PAK3: variants seen among roughly 807,000 people sequenced by gnomAD.
The protein encoded by PAK3 is p21 (RAC1) activated kinase 3, also known as serine/threonine-protein kinase PAK 3.
In PAK3, 4 loss-of-function variants were observed where a neutral mutation model predicts 41.0. The observed-to-expected ratio is 0.10, with a 90% CI of 0.05 to 0.22. The LOEUF (loss-of-function observed/expected upper bound fraction) is 0.22. Ranked by LOEUF, PAK3 falls within the 10% of genes least tolerant of loss-of-function variation. PAK3 has a pLI of 1.00. For missense variants in PAK3, 205 were observed against 409.9 expected (o/e 0.50, Z 4.32); for synonymous variants, 146 against 139.6 (o/e 1.05, Z -0.32).
intron 1 of PAK3, among the ~76,000 whole-genome samples, chrX:111,062,041 C>A (rs2092661066): frequency 9.0e-6 from 1 of 111,305 alleles, no homozygotes; most frequent in Non-Finnish European, 1.9e-5. Flanking sequence ...TGAACTTGAA[C>A]TTCTGGGCTC....
At position 111,184,263 on chromosome X, in the gene PAK3, G is replaced by A. The variant is rs1185463954; in HGVS notation, c.831-7864G>A. 2.7e-5 allele frequency among the ~76,000 whole-genome samples: 3 copies of A among 111,344 alleles called. No homozygotes were observed. The East Asian group carries it at 8.5e-4, about 32-fold the overall frequency. On this transcript the variant is annotated intron_variant, in intron 11 of 17. Coordinates refer to ENST00000372007, the MANE Select transcript of PAK3 (RefSeq NM_002578.5). The stretch of plus-strand genomic sequence containing the variant: ...AGGGATCAATGTAATTAAATGTTTA[G>A]CATAAAAATCAAATTGACAGTGTTG...
intron 1 of PAK3, among the ~76,000 whole-genome samples, chrX:111,070,094 T>C (rs2092730534): frequency 9.0e-6 from 1 of 111,301 alleles, no homozygotes; most frequent in Non-Finnish European, 1.9e-5. Flanking sequence ...ATTATATGGG[T>C]ACAAGGTAAT....
At chrX:111,182,325 C>A (rs1400911607) in intron 11 of PAK3, among the ~76,000 whole-genome samples, 1 of 109,317 alleles carries the variant, frequency 9.1e-6, no homozygotes, top group Non-Finnish European at 1.9e-5. Context: ...GGCCCCACAC[C>A]CATAATGTGT....
chrX:111,019,703 AG>A (rs1184588518), intron 1 of PAK3, among the ~76,000 whole-genome samples: 420 of 40,640 alleles, frequency 0.01, 15 homozygotes, highest in African/African-American at 0.026. Flanking sequence ...AAAAAAAAAA[AG>A]AAAGAAAGAA....
chrX:110,981,948 G>T (rs1286307532), intron 1 of PAK3, among the ~76,000 whole-genome samples: 1 of 111,673 alleles, frequency 9.0e-6, no homozygotes, highest in Non-Finnish European at 1.9e-5. Flanking sequence ...AGAGAGAAGA[G>T]TTGGGGATGA....
Position 111,063,038 on chromosome X carries a change from G to T in PAK3, c.-27-60039G>T, listed in dbSNP as rs1248843873. Among the ~76,000 whole-genome samples, 12 of 111,871 alleles carry T rather than the reference G, an allele frequency of 1.1e-4. No homozygotes were observed. The Admixed American group carries it at 1.1e-3, about 11-fold the overall frequency. Reference sequence around the variant, plus strand: ...TTCCTACCCTAGCCTGGAATAACCAGTGGCTGAAGCCAAATGCCTAAGAGG... The same window carrying T: ...TTCCTACCCTAGCCTGGAATAACCATTGGCTGAAGCCAAATGCCTAAGAGG... On this transcript the variant is annotated intron_variant, in intron 1 of 14. Coordinates refer to the PAK3 transcript ENST00000425146.
intron 16 of PAK3, among the ~76,000 whole-genome samples, chrX:111,202,949 T>C (rs950787014): frequency 1.7e-4 from 19 of 112,029 alleles, no homozygotes; most frequent in African/African-American, 5.8e-4. Flanking sequence ...AAGACAGTTA[T>C]TGGTATCACT....
At chrX:110,951,143 T>C (rs2090736909) in intron 1 of PAK3, among the ~76,000 whole-genome samples, 1 of 112,249 alleles carries the variant, frequency 8.9e-6, no homozygotes, top group South Asian at 3.7e-4. Flanking sequence ...TTGTTCTTTC[T>C]GCTTCTGATA....
intron 1 of PAK3, among the ~76,000 whole-genome samples, chrX:111,042,647 C>A (rs1012402002): frequency 9.0e-6 from 1 of 111,701 alleles, no homozygotes; most frequent in African/African-American, 3.3e-5. Context: ...TCTAGACTAA[C>A]TGACCAAAAT....
intron 1 of PAK3, among the ~76,000 whole-genome samples, chrX:111,007,848 T>C (rs1199750952): frequency 8.9e-6 from 1 of 112,013 alleles, no homozygotes; most frequent in East Asian, 2.8e-4. Flanking sequence ...TGAGCTTTAC[T>C]GAGCATGCAA....
chrX:111,140,242 T>C (rs2093852481), intron 5 of PAK3, among the ~76,000 whole-genome samples: 1 of 111,210 alleles, frequency 9.0e-6, no homozygotes, highest in Non-Finnish European at 1.9e-5. Flanking sequence ...GAGAAAGAAA[T>C]GTAGAAGGCC....
chrX:110,996,780 A>G (rs972469194), intron 1 of PAK3, among the ~76,000 whole-genome samples: 1 of 111,991 alleles, frequency 8.9e-6, no homozygotes, highest in South Asian at 3.7e-4. Context: ...TGGCACCTTG[A>G]TCTTGGACTT....
At chrX:110,945,242 C>CGT (rs937327188) in intron 1 of PAK3, among the ~76,000 whole-genome samples, 1 of 107,003 alleles carries the variant, frequency 9.3e-6, no homozygotes, top group Non-Finnish European at 1.9e-5. Flanking sequence ...TGTGTGTGTG[C>CGT]GTGTGTGTGT....
intron 1 of PAK3, among the ~76,000 whole-genome samples, chrX:110,957,001 T>G (rs2148604402): frequency 9.0e-6 from 1 of 111,710 alleles, no homozygotes; most frequent in South Asian, 3.8e-4. Context: ...TGGGCCTTTC[T>G]CTATACATTA....
At chrX:110,990,822 A>G (rs1009693388) in intron 1 of PAK3, among the ~76,000 whole-genome samples, 14 of 110,291 alleles carry the variant, frequency 1.3e-4, no homozygotes, top group Non-Finnish European at 1.9e-4. Flanking sequence ...AAGTCAAGGG[A>G]TGCTTGCTAT....
At chrX:111,184,131 T>C (rs866501793) in intron 11 of PAK3, among the ~76,000 whole-genome samples, 1 of 111,422 alleles carries the variant, frequency 9.0e-6, no homozygotes, top group Non-Finnish European at 1.9e-5. Flanking sequence ...CATGATTACT[T>C]TGTACTATCT....
At chrX:111,144,788 G>T (rs1254219792) in intron 6 of PAK3, 2 of 577,401 alleles carry the variant, frequency 3.5e-6, no homozygotes, top group Non-Finnish European at 5.5e-6. Flanking sequence ...AGGTTGGGAG[G>T]TGAGATTTTT....
intron 1 of PAK3, among the ~76,000 whole-genome samples, chrX:110,954,377 G>T (rs193271781): frequency 8.9e-6 from 1 of 112,324 alleles, no homozygotes; most frequent in Admixed American, 9.4e-5. Context: ...ACTCTGTTAG[G>T]TTAATACTGT....
chrX:111,050,794 G>A (rs184425020), intron 1 of PAK3, among the ~76,000 whole-genome samples: 70 of 112,878 alleles, frequency 6.2e-4, no homozygotes, highest in African/African-American at 2.2e-3. Flanking sequence ...GCACCAGCCA[G>A]TTTCAATGCT....
Sources: gnomAD v4.1 joint callset for allele counts (sites outside exome capture counted in the v4.1 genomes callset) on GRCh38, gnomAD v4.1.1 for gene constraint, MANE v1.5 for transcripts, NCBI Gene and HGNC (gene_info 2026-07-23, HGNC 2026-07-21) for gene names.